Variants in GNG2 observed in about 807,000 individuals in gnomAD.
GNG2 encodes the protein guanine nucleotide-binding protein G(I)/G(S)/G(O) subunit gamma-2.
GNG2 carries 5 observed loss-of-function variants against 5.5 expected under a neutral mutation model. That is an observed-to-expected ratio of 0.91 (90% CI 0.48 to 1.92). The LOEUF (loss-of-function observed/expected upper bound fraction) is 1.92. GNG2 is among the 30% of genes most tolerant of loss of function. The pLI is 0.01. For synonymous variants in GNG2, 28 were observed against 32.0 expected, an observed-to-expected ratio of 0.88 and a Z score of 0.42; for missense variants, 55 against 88.4, an observed-to-expected ratio of 0.62 and a Z score of 1.52.
chr14:51,912,082 A>G (rs35494600), intron 2 of GNG2, among the ~76,000 whole-genome samples: 22,394 of 137,652 alleles, frequency 0.16, 4,779 homozygotes, highest in African/African-American at 0.43. Context: ...GGAGGCACAC[A>G]GGTTAAGTAA....
intron 2 of GNG2, among the ~76,000 whole-genome samples, chr14:51,901,469 C>T (rs1953860): frequency 0.29 from 44,672 of 151,926 alleles, 7,212 homozygotes; most frequent in South Asian, 0.4. Context: ...GCTGAGATTA[C>T]AGATGTGAGC....
intron 2 of GNG2, among the ~76,000 whole-genome samples, chr14:51,936,518 T>TTTTTTTTTTTTTACTCCATTGA (rs1888015327): frequency 1.3e-5 from 2 of 150,664 alleles, no homozygotes; most frequent in African/African-American, 4.9e-5. Flanking sequence ...ACACTAACTT[T>TTTTTTTTTTTTTACTCCATTGA]TTTTTTTTTT....
At chr14:51,892,098 C>T (rs1438026931) in intron 2 of GNG2, among the ~76,000 whole-genome samples, 1 of 138,186 alleles carries the variant, frequency 7.2e-6, no homozygotes, top group Non-Finnish European at 1.7e-5. Flanking sequence ...TCATTCAGTT[C>T]TCTGAATTTT....
intron 3 of GNG2, chr14:51,951,903 T>C: frequency 1.4e-6 from 1 of 702,144 alleles, no homozygotes; most frequent in Non-Finnish European, 2.6e-6. Context: ...CACTGACCCC[T>C]GGTCTACAGC....
At chr14:51,928,026 CTTTTT>C (rs35561589) in intron 2 of GNG2, among the ~76,000 whole-genome samples, 1 of 103,046 alleles carries the variant, frequency 9.7e-6, no homozygotes, top group African/African-American at 4.0e-5. Flanking sequence ...CTCTCTCTCT[CTTTTT>C]TTTTTTTTTT....
At chr14:51,842,916 C>G (rs904895817) in intron 2 of GNG2, among the ~76,000 whole-genome samples, 2 of 152,114 alleles carry the variant, frequency 1.3e-5, no homozygotes, top group African/African-American at 2.4e-5. Context: ...CTGCCCGCCT[C>G]GGTTTCCAGA....
intron 3 of GNG2, among the ~76,000 whole-genome samples, chr14:51,959,095 C>A (rs1321981285): frequency 6.6e-6 from 1 of 152,116 alleles, no homozygotes; most frequent in African/African-American, 2.4e-5. Flanking sequence ...CCTTTTAATT[C>A]TCCTCTAGTT....
At chr14:51,903,399 T>G (rs1454676428) in intron 2 of GNG2, among the ~76,000 whole-genome samples, 1 of 152,224 alleles carries the variant, frequency 6.6e-6, no homozygotes, top group Non-Finnish European at 1.5e-5. Flanking sequence ...TCTGTGTTTT[T>G]GGCAATTTAT....
chr14:51,865,050 T>C (rs1882781985), intron 1 of GNG2, among the ~76,000 whole-genome samples: 1 of 152,206 alleles, frequency 6.6e-6, no homozygotes, highest in African/African-American at 2.4e-5. Flanking sequence ...CCCTATTGAA[T>C]AGCAACAGTA....
chr14:51,914,357 C>A (rs1886479490), intron 2 of GNG2: 25 of 694,422 alleles, frequency 3.6e-5, no homozygotes, highest in Admixed American at 3.1e-4. Flanking sequence ...GCCACAGTAA[C>A]CATAGCTCCT....
At chr14:51,940,998 A>G (rs187910427) in intron 2 of GNG2, among the ~76,000 whole-genome samples, 1 of 152,042 alleles carries the variant, frequency 6.6e-6, no homozygotes, top group Non-Finnish European at 1.5e-5. Context: ...ATATTATCTA[A>G]TATTAGTATA....
At chr14:51,916,855 T>A (rs1476922346) in intron 2 of GNG2, among the ~76,000 whole-genome samples, 1 of 152,184 alleles carries the variant, frequency 6.6e-6, no homozygotes, top group Non-Finnish European at 1.5e-5. Flanking sequence ...CACTGGAGAT[T>A]GAGGCCTGGC....
intron 3 of GNG2, chr14:51,951,913 C>T (rs1888998367): frequency 7.1e-6 from 5 of 702,050 alleles, no homozygotes; most frequent in Non-Finnish European, 1.3e-5. Flanking sequence ...TGGTCTACAG[C>T]GATGGTTCTC....
chr14:51,886,317 T>C (rs1262556495), intron 2 of GNG2, among the ~76,000 whole-genome samples: 2 of 152,194 alleles, frequency 1.3e-5, no homozygotes, highest in Admixed American at 1.3e-4. Flanking sequence ...CAGTGAGCAC[T>C]GGTGTGAGGC....
intron 2 of GNG2, among the ~76,000 whole-genome samples, chr14:51,915,318 T>G (rs927654201): frequency 2.6e-5 from 4 of 152,236 alleles, no homozygotes; most frequent in Non-Finnish European, 4.4e-5. Flanking sequence ...ATTACACCTC[T>G]GCTACATTAT....
intron 2 of GNG2, among the ~76,000 whole-genome samples, chr14:51,839,120 G>A (rs998231824): frequency 9.9e-5 from 15 of 152,144 alleles, no homozygotes; most frequent in African/African-American, 3.4e-4. Flanking sequence ...AATTTAGGAA[G>A]TTTATTTTGC....
At chr14:51,852,982 C>T (rs1881979361) in intron 2 of GNG2, among the ~76,000 whole-genome samples, 2 of 152,172 alleles carry the variant, frequency 1.3e-5, no homozygotes, top group African/African-American at 2.4e-5. Flanking sequence ...CAGGGTCTTT[C>T]CTTTTCCAAA....
At chr14:51,856,592 C>T (rs1443174961), upstream of GNG2, among the ~76,000 whole-genome samples, 1 of 152,062 alleles carries the variant, frequency 6.6e-6, no homozygotes, top group Non-Finnish European at 1.5e-5. Flanking sequence ...ACCACTACAC[C>T]CGGCTTATTT....
intron 2 of GNG2, among the ~76,000 whole-genome samples, chr14:51,881,324 C>T (rs1322656437): frequency 1.3e-5 from 2 of 152,118 alleles, no homozygotes; most frequent in East Asian, 3.8e-4. Flanking sequence ...TCTGGAATGC[C>T]CAGTGGGAGG....
Sources: allele counts gnomAD v4.1 joint callset (sites outside exome capture counted in the v4.1 genomes callset), GRCh38; gene constraint gnomAD v4.1.1; transcripts MANE v1.5; gene names NCBI Gene and HGNC (gene_info 2026-07-23, HGNC 2026-07-21).